Variants in INPP4B observed in about 807,000 individuals in gnomAD.
INPP4B encodes the protein inositol polyphosphate-4-phosphatase type II B.
A neutral mutation model predicts 122.5 loss-of-function variants in INPP4B; 55 were observed. The ratio of observed to expected loss-of-function variants is 0.45; its 90% CI spans 0.36 to 0.56. The LOEUF (loss-of-function observed/expected upper bound fraction) is 0.56, where lower values mean the gene tolerates loss of function less well. Ranked by LOEUF, INPP4B falls within the 20% of genes least tolerant of loss-of-function variation. INPP4B has a pLI of 0.00. For synonymous variants in INPP4B, 403 were observed against 388.7 expected (o/e 1.04, Z -0.43); for missense variants, 1,000 against 1,097.7 (o/e 0.91, Z 1.26).
intron 9 of INPP4B, among the ~76,000 whole-genome samples, chr4:142,279,788 T>G (rs546103427): frequency 6.6e-6 from 1 of 151,854 alleles, no homozygotes; most frequent in Non-Finnish European, 1.5e-5. Context: ...GTCAAAGACA[T>G]GGTTACAATA....
intron 25 of INPP4B, among the ~76,000 whole-genome samples, chr4:142,063,059 C>A (rs77084740): frequency 0.026 from 3,894 of 152,128 alleles, 187 homozygotes; most frequent in African/African-American, 0.089. Flanking sequence ...ATAAAGATGC[C>A]AAAGCCTTCT....
chr4:142,297,379 A>G (rs1475580900), intron 9 of INPP4B, among the ~76,000 whole-genome samples: 2 of 152,224 alleles, frequency 1.3e-5, no homozygotes, highest in Admixed American at 1.3e-4. Flanking sequence ...TGTCCGCTCC[A>G]AATCTCATGT....
At position 142,328,753 on chromosome 4, in the gene INPP4B, T is replaced by C. The variant is rs548444399; in HGVS notation, c.373-13991A>G. Among the ~76,000 whole-genome samples the C allele has an allele frequency of 2.2e-4, 33 of 151,236 alleles. 1 individual carries two copies. The highest frequency in any genetic ancestry group is 1.8e-3 in the Admixed American group (27 of 15,144). ...TATTTTTAAAATTTTGGAGTTTTTC[T>C]TCTGTGGAAAATATTCATAGTTAAT... On this transcript the variant is annotated intron_variant, in intron 7 of 25. Transcript: ENST00000262992.
At chr4:142,456,632 T>C (rs944778260) in intron 3 of INPP4B, among the ~76,000 whole-genome samples, 6 of 152,234 alleles carry the variant, frequency 3.9e-5, no homozygotes, top group Non-Finnish European at 7.4e-5. Flanking sequence ...TTTCATTCAG[T>C]TTTGTTCTTT....
chr4:142,737,890 A>C (rs1275213624), intron 1 of INPP4B, among the ~76,000 whole-genome samples: 3 of 152,262 alleles, frequency 2.0e-5, no homozygotes, highest in Non-Finnish European at 4.4e-5. Flanking sequence ...AGAGAAATGC[A>C]AATCAAAACC....
chr4:142,260,011 A>G (rs1477389825), intron 11 of INPP4B, among the ~76,000 whole-genome samples: 2 of 152,124 alleles, frequency 1.3e-5, no homozygotes, highest in Admixed American at 1.3e-4. Context: ...TTTGAGATGG[A>G]GTATCACTCT....
chr4:142,349,253 C>CA (rs1264033799), intron 7 of INPP4B, among the ~76,000 whole-genome samples: 1 of 151,916 alleles, frequency 6.6e-6, no homozygotes, highest in African/African-American at 2.4e-5. Flanking sequence ...TATTTCCCCC[C>CA]AGAGAATAAG....
intron 1 of INPP4B, among the ~76,000 whole-genome samples, chr4:142,778,586 T>G (rs879890206): frequency 1.9e-4 from 29 of 152,060 alleles, no homozygotes; most frequent in Admixed American, 1.8e-3. Context: ...CTGAGCAATA[T>G]GGCACGCTTC....
chr4:142,341,234 TTA>T (rs1168184666), intron 7 of INPP4B, among the ~76,000 whole-genome samples: 3 of 152,210 alleles, frequency 2.0e-5, no homozygotes, highest in African/African-American at 7.2e-5. Context: ...ATTATGGTTA[TTA>T]TGTTTCTAAA....
At chr4:142,708,346 T>C (rs1560983508) in intron 2 of INPP4B, among the ~76,000 whole-genome samples, 2 of 152,084 alleles carry the variant, frequency 1.3e-5, no homozygotes, top group African/African-American at 2.4e-5. Context: ...GAAATTTGCA[T>C]AGGTAAAGAT....
chr4:142,071,227 A>C (rs980910548), intron 25 of INPP4B, among the ~76,000 whole-genome samples: 22 of 152,124 alleles, frequency 1.4e-4, no homozygotes, highest in African/African-American at 4.6e-4. Context: ...CAAAAACAAG[A>C]AATAGGGAAA....
chr4:142,571,533 C>T (rs1732823645), intron 2 of INPP4B, among the ~76,000 whole-genome samples: 1 of 152,084 alleles, frequency 6.6e-6, no homozygotes, highest in African/African-American at 2.4e-5. Flanking sequence ...CTGAGTTTCA[C>T]TTAATAACAA....
intron 10 of INPP4B, among the ~76,000 whole-genome samples, chr4:142,265,906 T>A (rs577351595): frequency 3.5e-4 from 53 of 152,248 alleles, no homozygotes; most frequent in African/African-American, 1.2e-3. Flanking sequence ...GAAAAGAGTA[T>A]AATTTAATTT....
chr4:142,132,251 G>T (rs1055718743), intron 18 of INPP4B, among the ~76,000 whole-genome samples: 1 of 151,840 alleles, frequency 6.6e-6, no homozygotes, highest in South Asian at 2.1e-4. Flanking sequence ...TGTTTGTAGA[G>T]AATAAGATTG....
intron 12 of INPP4B, among the ~76,000 whole-genome samples, chr4:142,232,146 G>A (rs761425830): frequency 6.6e-6 from 1 of 152,066 alleles, no homozygotes; most frequent in Non-Finnish European, 1.5e-5. Context: ...CTCATGTAGG[G>A]CATGAATGAG....
chr4:142,058,964 C>A (rs1465135239), intron 25 of INPP4B, among the ~76,000 whole-genome samples: 1 of 152,078 alleles, frequency 6.6e-6, no homozygotes, highest in African/African-American at 2.4e-5. Flanking sequence ...ATCTGATAAA[C>A]TATAAAGCAG....
chr4:142,119,822 CACATACACATATAT>C (rs1795730167), intron 21 of INPP4B, among the ~76,000 whole-genome samples: 1 of 8,986 alleles, frequency 1.1e-4, no homozygotes, highest in Non-Finnish European at 1.8e-3. Flanking sequence ...CACACACACA[CACATACACATATAT>C]ATACATATAT....
At chr4:142,323,798 TTCC>T (rs1771233812) in intron 7 of INPP4B, among the ~76,000 whole-genome samples, 1 of 151,810 alleles carries the variant, frequency 6.6e-6, no homozygotes, top group Non-Finnish European at 1.5e-5. Flanking sequence ...AGATGATACC[TTCC>T]AGCAGACAGG....
At chr4:142,720,797 C>CTATATATA (rs1170460036) in intron 2 of INPP4B, among the ~76,000 whole-genome samples, 4 of 29,348 alleles carry the variant, frequency 1.4e-4, no homozygotes, top group East Asian at 1.6e-3. Flanking sequence ...CTCTCTCTCT[C>CTATATATA]TCTCTCTCTC....
Sources: gnomAD v4.1 joint callset for allele counts (sites outside exome capture counted in the v4.1 genomes callset) on GRCh38, gnomAD v4.1.1 for gene constraint, MANE v1.5 for transcripts, NCBI Gene and HGNC (gene_info 2026-07-23, HGNC 2026-07-21) for gene names.